HMG20A: variants seen among roughly 807,000 people sequenced by gnomAD.
HMG20A encodes the protein high mobility group protein 20A.
Under a neutral mutation model 43.9 loss-of-function variants are expected in HMG20A, and 17 were observed. The observed-to-expected ratio is 0.39, with a 90% CI of 0.27 to 0.58. HMG20A has a LOEUF of 0.58. Ranked by LOEUF, HMG20A falls within the 20% of genes least tolerant of loss-of-function variation. HMG20A has a pLI of 0.59. For missense variants in HMG20A, 341 were observed against 438.2 expected, an observed-to-expected ratio of 0.78 and a Z score of 1.98; for synonymous variants, 132 against 147.5, an observed-to-expected ratio of 0.89 and a Z score of 0.76.
At chr15:77,435,887 C>A (rs1347625133) in intron 1 of HMG20A, among the ~76,000 whole-genome samples, 1 of 151,410 alleles carries the variant, frequency 6.6e-6, no homozygotes, top group African/African-American at 2.4e-5. Context: ...CTGTTCATGT[C>A]CTTTTTGCAG....
intron 2 of HMG20A, among the ~76,000 whole-genome samples, chr15:77,460,211 G>A (rs2072693079): frequency 3.3e-5 from 5 of 152,154 alleles, no homozygotes; most frequent in Admixed American, 3.3e-4. Context: ...AAACCTCATT[G>A]GAGTGTGTTT....
At chr15:77,508,377 C>G in the HMG20A span, among the ~76,000 whole-genome samples, 3 of 152,344 alleles carry the variant, frequency 2.0e-5, no homozygotes, top group South Asian at 6.2e-4. Context: ...TTCCTGAGCA[C>G]CCACTGTACA....
chr15:77,421,264 T>C (rs1329237630), intron 1 of HMG20A, among the ~76,000 whole-genome samples: 2 of 152,184 alleles, frequency 1.3e-5, no homozygotes, highest in Non-Finnish European at 2.9e-5. Context: ...GAAAAGGTGG[T>C]GCTTGGTGCC....
intron 1 of HMG20A, among the ~76,000 whole-genome samples, chr15:77,455,406 A>T (rs182132851): frequency 4.6e-5 from 7 of 151,562 alleles, no homozygotes; most frequent in Non-Finnish European, 5.9e-5. Flanking sequence ...AATATTTTAA[A>T]TTGGCACTCT....
the HMG20A span, among the ~76,000 whole-genome samples, chr15:77,511,007 C>G: frequency 6.6e-6 from 1 of 152,210 alleles, no homozygotes; most frequent in Non-Finnish European, 1.5e-5. Flanking sequence ...GTGAAAGCAG[C>G]AGAAGGGGTT....
chr15:77,466,273 T>C (rs149468795), intron 3 of HMG20A, among the ~76,000 whole-genome samples: 1,640 of 152,224 alleles, frequency 0.011, 17 homozygotes, highest in Non-Finnish European at 0.017. Flanking sequence ...CCCAGCTACT[T>C]GGAAGACTAA....
At chr15:77,428,008 C>G (rs1229437748) in intron 1 of HMG20A, among the ~76,000 whole-genome samples, 1 of 152,208 alleles carries the variant, frequency 6.6e-6, no homozygotes, top group Non-Finnish European at 1.5e-5. Context: ...CCCTCAGTAT[C>G]ACTACTAAAA....
chr15:77,443,320 C>G (rs893705558), intron 1 of HMG20A, among the ~76,000 whole-genome samples: 19 of 149,188 alleles, frequency 1.3e-4, no homozygotes, highest in Non-Finnish European at 2.4e-4. Context: ...GATGTGTTTC[C>G]TTCCAATCTT....
intron 1 of HMG20A, among the ~76,000 whole-genome samples, chr15:77,455,828 A>G (rs1406551273): frequency 5.9e-5 from 9 of 152,110 alleles, no homozygotes; most frequent in Non-Finnish European, 1.0e-4. Context: ...TTCCTTTTGA[A>G]TCACTCCCTC....
intron 2 of HMG20A, among the ~76,000 whole-genome samples, chr15:77,461,329 A>C (rs972875381): frequency 6.6e-6 from 1 of 152,198 alleles, no homozygotes; most frequent in Non-Finnish European, 1.5e-5. Flanking sequence ...AGGAAAGGAG[A>C]AAAATTGGGA....
intron 1 of HMG20A, among the ~76,000 whole-genome samples, chr15:77,443,384 T>TTATTATTAG (rs1555508859): frequency 7.0e-6 from 1 of 143,236 alleles, no homozygotes; most frequent in South Asian, 2.1e-4. Context: ...ATGATGATTA[T>TTATTATTAG]TATTATTATT....
chr15:77,445,637 C>T (rs1567395281), intron 1 of HMG20A, among the ~76,000 whole-genome samples: 1 of 152,190 alleles, frequency 6.6e-6, no homozygotes, highest in Non-Finnish European at 1.5e-5. Flanking sequence ...TTTACAGCTT[C>T]TCTTTGGCAT....
intron 1 of HMG20A, among the ~76,000 whole-genome samples, chr15:77,447,526 T>C (rs2073687743): frequency 6.6e-6 from 1 of 152,196 alleles, no homozygotes; most frequent in South Asian, 2.1e-4. Flanking sequence ...ATCTGAACTG[T>C]GCCAGTCTCT....
At chr15:77,515,387 A>ATTT in the HMG20A span, among the ~76,000 whole-genome samples, 6 of 151,002 alleles carry the variant, frequency 4.0e-5, no homozygotes, top group African/African-American at 1.5e-4. Flanking sequence ...GTTTTTTTTA[A>ATTT]AAAAAGTTAT....
At chr15:77,449,914 A>G (rs2073716990) in intron 1 of HMG20A, among the ~76,000 whole-genome samples, 1 of 152,130 alleles carries the variant, frequency 6.6e-6, no homozygotes, top group Non-Finnish European at 1.5e-5. Context: ...TCACGTAGAA[A>G]GTTTCACTGC....
intron 1 of HMG20A, among the ~76,000 whole-genome samples, chr15:77,446,285 C>CT (rs1179114915): frequency 6.6e-6 from 1 of 152,034 alleles, no homozygotes; most frequent in Non-Finnish European, 1.5e-5. Flanking sequence ...AGCCATTACC[C>CT]TTTTTCCACG....
chr15:77,439,046 G>A (rs2073581624), intron 1 of HMG20A, among the ~76,000 whole-genome samples: 1 of 152,178 alleles, frequency 6.6e-6, no homozygotes, highest in Admixed American at 6.5e-5. Context: ...ACCTGCCTCA[G>A]CCTCCCAAAG....
intron 1 of HMG20A, among the ~76,000 whole-genome samples, chr15:77,439,411 G>C (rs1279101624): frequency 6.6e-6 from 1 of 151,998 alleles, no homozygotes; most frequent in Admixed American, 6.6e-5. Flanking sequence ...CTCTCCCCAC[G>C]AGAGATAACC....
chr15:77,460,391 G>A (rs2072694490), intron 2 of HMG20A, among the ~76,000 whole-genome samples: 1 of 152,152 alleles, frequency 6.6e-6, no homozygotes, highest in Admixed American at 6.5e-5. Flanking sequence ...GAGGGATGGA[G>A]TTGCCATTAG....
Sources: gnomAD v4.1 joint callset for allele counts (sites outside exome capture counted in the v4.1 genomes callset) on GRCh38, gnomAD v4.1.1 for gene constraint, MANE v1.5 for transcripts, NCBI Gene and HGNC (gene_info 2026-07-23, HGNC 2026-07-21) for gene names.